Variants in CDK14 observed in about 807,000 individuals in gnomAD.
CDK14 encodes cyclin-dependent kinase 14.
In CDK14, 34 loss-of-function variants were observed where a neutral mutation model predicts 60.7. The observed-to-expected ratio is 0.56, with a 90% confidence interval of 0.43 to 0.75. CDK14 has a LOEUF of 0.75. CDK14 is among the 30% of genes least tolerant of loss of function. The pLI is 0.00. For missense variants in CDK14, 482 were observed against 564.1 expected (o/e 0.85, Z 1.47); for synonymous variants, 197 against 203.7 (o/e 0.97, Z 0.28).
intron 2 of CDK14, among the ~76,000 whole-genome samples, chr7:90,704,674 A>G (rs1484862147): frequency 6.6e-6 from 1 of 152,178 alleles, no homozygotes; most frequent in African/African-American, 2.4e-5. Context: ...TCAAGAAAAC[A>G]CTCAAAGTTG....
chr7:90,866,233 T>TACACACACAC lies in CDK14; in HGVS notation c.639+2996_639+3005dup, dbSNP rs3038210. Among the ~76,000 whole-genome samples, 1,375 of 140,326 alleles carry TACACACACAC rather than the reference T, an allele frequency of 9.8e-3. 18 individuals carry two copies. The highest frequency in any genetic ancestry group is 0.027 in the African/African-American group (1,025 of 37,990). The allele number at this position is 140,326 out of a possible 152,430, so 92.1% of individuals were successfully genotyped here. A position where few individuals can be genotyped will look rare whatever the true frequency, so the allele number is the denominator to read the frequency against. ...CTTCTGAAATACACACACATACACA[T>TACACACACAC]ACACACACACACACACACACACACA... On this transcript the variant is annotated intron_variant, in intron 6 of 14. Transcript: ENST00000380050.
At chr7:90,897,585 A>G (rs537359022) in intron 6 of CDK14, among the ~76,000 whole-genome samples, 101 of 152,218 alleles carry the variant, frequency 6.6e-4, no homozygotes, top group African/African-American at 2.4e-3. Flanking sequence ...TCAAAAACAA[A>G]TGTTCTCTCG....
chr7:90,798,855 G>C (rs1028743767), intron 5 of CDK14, among the ~76,000 whole-genome samples: 2 of 152,158 alleles, frequency 1.3e-5, no homozygotes, highest in Non-Finnish European at 2.9e-5. Flanking sequence ...AAGTTGTAGT[G>C]CTCAGGGTCA....
chr7:90,963,112 T>TGTGTGA lies in CDK14; in HGVS notation c.947+7300_947+7301insAGTGTG, dbSNP rs1459613851. Among the ~76,000 whole-genome samples, 3 of 151,702 alleles carry TGTGTGA rather than the reference T, an allele frequency of 2.0e-5. No homozygotes were observed. In the East Asian group the frequency reaches 5.9e-4, roughly 30 times the overall value. ...GTGTGTGTGTGTGTGTGTGTGTGTG[T>TGTGTGA]GTGTGTGTGTGTTTTAATTTAGAAA... On this transcript the variant is annotated intron_variant, in intron 9 of 14. Coordinates refer to ENST00000380050, the MANE Select transcript of CDK14 (RefSeq NM_001287135.2).
At chr7:90,901,257 A>G (rs1792496748) in intron 7 of CDK14, among the ~76,000 whole-genome samples, 1 of 152,150 alleles carries the variant, frequency 6.6e-6, no homozygotes, top group South Asian at 2.1e-4. Context: ...GCCTCCTAGG[A>G]CGTGGTGAGA....
chr7:90,612,206 A>G (rs1038859634), intron 2 of CDK14, among the ~76,000 whole-genome samples: 1 of 152,064 alleles, frequency 6.6e-6, no homozygotes, highest in Non-Finnish European at 1.5e-5. Context: ...GAACCTTTTC[A>G]CTTTTACCTA....
intron 5 of CDK14, among the ~76,000 whole-genome samples, chr7:90,839,047 C>T (rs949424555): frequency 4.6e-5 from 7 of 152,164 alleles, no homozygotes; most frequent in South Asian, 2.1e-4. Flanking sequence ...CCGGAGGCCC[C>T]GATGTAAAAT....
intron 9 of CDK14, among the ~76,000 whole-genome samples, chr7:90,960,208 A>G (rs1373077464): frequency 2.0e-5 from 3 of 152,094 alleles, no homozygotes; most frequent in African/African-American, 7.2e-5. Context: ...TGACTAAGTC[A>G]CCTGCAGCAA....
intron 6 of CDK14, among the ~76,000 whole-genome samples, chr7:90,864,957 A>G (rs1442682424): frequency 6.6e-6 from 1 of 152,132 alleles, no homozygotes; most frequent in African/African-American, 2.4e-5. Flanking sequence ...TTCGTACATC[A>G]TATAGATTAC....
intron 4 of CDK14, among the ~76,000 whole-genome samples, chr7:90,761,048 T>A (rs553883017): frequency 1.3e-5 from 2 of 152,338 alleles, no homozygotes; most frequent in African/African-American, 4.8e-5. Context: ...TCATTTAGCT[T>A]GCAGCAGATA....
At chr7:91,037,388 T>C (rs1796962179) in intron 10 of CDK14, among the ~76,000 whole-genome samples, 1 of 152,204 alleles carries the variant, frequency 6.6e-6, no homozygotes, top group Non-Finnish European at 1.5e-5. Flanking sequence ...ACATGTCTTA[T>C]AGACATACAC....
chr7:91,199,744 T>G (rs1237760662), intron 14 of CDK14, among the ~76,000 whole-genome samples: 1 of 152,224 alleles, frequency 6.6e-6, no homozygotes, highest in East Asian at 1.9e-4. Context: ...AAGCTTAAAA[T>G]GTGCAAAGTT....
intron 12 of CDK14, among the ~76,000 whole-genome samples, chr7:91,095,970 C>T (rs940836872): frequency 1.6e-5 from 2 of 124,538 alleles, no homozygotes; most frequent in African/African-American, 6.1e-5. Context: ...GATGGTTGTA[C>T]AATATTATGA....
At chr7:90,969,711 T>G (rs1001205234) in intron 9 of CDK14, among the ~76,000 whole-genome samples, 2 of 152,198 alleles carry the variant, frequency 1.3e-5, no homozygotes, top group African/African-American at 4.8e-5. Context: ...CAAATGGAAC[T>G]TCTCCTTTCA....
At chr7:90,731,478 G>A (rs552786926) in intron 3 of CDK14, among the ~76,000 whole-genome samples, 1 of 152,280 alleles carries the variant, frequency 6.6e-6, no homozygotes, top group Non-Finnish European at 1.5e-5. Flanking sequence ...CCATGACCAT[G>A]GAATGTTTTT....
chr7:90,840,820 C>G (rs554149450), intron 5 of CDK14, among the ~76,000 whole-genome samples: 3 of 152,150 alleles, frequency 2.0e-5, no homozygotes, highest in Admixed American at 2.0e-4. Flanking sequence ...TTCTCTTATA[C>G]CAAAGGGCTA....
intron 6 of CDK14, among the ~76,000 whole-genome samples, chr7:90,893,003 C>T (rs1018057278): frequency 6.6e-6 from 1 of 152,128 alleles, no homozygotes; most frequent in Admixed American, 6.5e-5. Context: ...TGATCTCTAT[C>T]TCCTGACCTC....
intron 6 of CDK14, among the ~76,000 whole-genome samples, chr7:90,873,395 T>G (rs1791442136): frequency 1.3e-5 from 2 of 152,248 alleles, no homozygotes; most frequent in Admixed American, 1.3e-4. Context: ...AACTGGTGGC[T>G]ATAACTTCAC....
chr7:91,206,522 C>T (rs1053250736), intron 14 of CDK14, among the ~76,000 whole-genome samples: 5 of 152,156 alleles, frequency 3.3e-5, no homozygotes, highest in Non-Finnish European at 5.9e-5. Flanking sequence ...AAAGGAAGTA[C>T]GGAAAGGGAC....
Sources: allele counts gnomAD v4.1 joint callset (sites outside exome capture counted in the v4.1 genomes callset), GRCh38; gene constraint gnomAD v4.1.1; transcripts MANE v1.5; gene names NCBI Gene and HGNC (gene_info 2026-07-23, HGNC 2026-07-21).